Variants in MTHFD2L observed in about 807,000 individuals in gnomAD.
MTHFD2L encodes the protein methylenetetrahydrofolate dehydrogenase (NADP+ dependent) 2 like, also known as bifunctional methylenetetrahydrofolate dehydrogenase/cyclohydrolase 2, mitochondrial.
MTHFD2L carries 29 observed loss-of-function variants against 34.9 expected under a neutral mutation model. The observed-to-expected ratio is 0.83, with a 90% CI of 0.62 to 1.13. MTHFD2L has a LOEUF of 1.13. Ranked by LOEUF, MTHFD2L falls within the 50% of genes most tolerant of loss-of-function variation. MTHFD2L has a pLI of 0.00. For missense variants in MTHFD2L, 481 were observed against 446.5 expected, an observed-to-expected ratio of 1.08 and a Z score of -0.70; for synonymous variants, 167 against 155.7, an observed-to-expected ratio of 1.07 and a Z score of -0.54.
intron 3 of MTHFD2L, among the ~76,000 whole-genome samples, chr4:74,182,344 G>C (rs1350539475): frequency 6.6e-6 from 1 of 152,162 alleles, no homozygotes. Context: ...ACATGTAAGA[G>C]ATTAGTGCAT....
chr4:74,172,083 G>C (rs1728125697), intron 1 of MTHFD2L, among the ~76,000 whole-genome samples: 1 of 152,120 alleles, frequency 6.6e-6, no homozygotes, highest in Non-Finnish European at 1.5e-5. Flanking sequence ...TGTAGTATTT[G>C]ATTCAATTTT....
At chr4:74,232,476 C>A (rs975596934) in intron 6 of MTHFD2L, among the ~76,000 whole-genome samples, 2 of 152,120 alleles carry the variant, frequency 1.3e-5, no homozygotes, top group Non-Finnish European at 2.9e-5. Context: ...TCAGGCTATT[C>A]TGGCCCTCAC....
chr4:74,234,796 A>AGTGT (rs139133412), intron 6 of MTHFD2L, among the ~76,000 whole-genome samples: 6,416 of 149,490 alleles, frequency 0.043, 426 homozygotes, highest in African/African-American at 0.14. Flanking sequence ...AAAAGGAGAC[A>AGTGT]GTGTGTGTGT....
chr4:74,146,998 C>G (rs912295158), intron 1 of MTHFD2L, among the ~76,000 whole-genome samples: 1 of 151,994 alleles, frequency 6.6e-6, no homozygotes, highest in Non-Finnish European at 1.5e-5. Context: ...ATTTCAATCT[C>G]TTTGTTAATT....
intron 1 of MTHFD2L, chr4:74,161,360 G>C (rs1009644622): frequency 2.0e-5 from 3 of 152,116 alleles, no homozygotes; most frequent in Non-Finnish European, 4.4e-5. Flanking sequence ...CTAATGACTA[G>C]GAAAGGCAGT....
At chr4:74,209,049 G>A (rs1272793249) in intron 5 of MTHFD2L, among the ~76,000 whole-genome samples, 1 of 152,062 alleles carries the variant, frequency 6.6e-6, no homozygotes, top group Non-Finnish European at 1.5e-5. Flanking sequence ...GCCTGCAGGT[G>A]AGAAGAGACA....
upstream of MTHFD2L, among the ~76,000 whole-genome samples, chr4:74,119,393 C>A (rs1397130181): frequency 1.3e-5 from 2 of 152,202 alleles, no homozygotes; most frequent in African/African-American, 2.4e-5. Context: ...TGAATAAAAA[C>A]AATCATCACT....
At chr4:74,281,118 G>C (rs549739004) in intron 6 of MTHFD2L, among the ~76,000 whole-genome samples, 1 of 151,894 alleles carries the variant, frequency 6.6e-6, no homozygotes, top group East Asian at 1.9e-4. Context: ...GTCTCCCCAT[G>C]CCATTCATAG....
intron 6 of MTHFD2L, among the ~76,000 whole-genome samples, chr4:74,252,673 T>C (rs2110202763): frequency 6.6e-6 from 1 of 152,210 alleles, no homozygotes; most frequent in South Asian, 2.1e-4. Context: ...AAAATAAATC[T>C]TCTGGAGTAA....
rs528268853 is a variant in MTHFD2L, at chr4:74,172,652, G to A, written c.144-1854G>A. On this transcript the variant is annotated intron_variant, in intron 1 of 7. Coordinates refer to ENST00000325278, the MANE Select transcript of MTHFD2L (RefSeq NM_001144978.3). ...AATTATTAGACATGCAGATTTCCAG[G>A]TTTTTCCCCTGCCCCCAGGAATTCT... 7.9e-5 allele frequency among the ~76,000 whole-genome samples: 12 copies of A among 152,276 alleles called. No individual in the cohort carries two copies. The South Asian group carries it at 2.5e-3, about 32-fold the overall frequency.
At chr4:74,146,647 TG>T (rs2109846940) in intron 1 of MTHFD2L, among the ~76,000 whole-genome samples, 1 of 152,324 alleles carries the variant, frequency 6.6e-6, no homozygotes, top group African/African-American at 2.4e-5. Flanking sequence ...CAAATTCGTT[TG>T]GTGTTCTCTG....
At chr4:74,265,012 T>C (rs1560542715) in intron 6 of MTHFD2L, among the ~76,000 whole-genome samples, 1 of 152,176 alleles carries the variant, frequency 6.6e-6, no homozygotes, top group Non-Finnish European at 1.5e-5. Flanking sequence ...GATGAGTATA[T>C]ATCAATTTAT....
chr4:74,286,307 ATAAT>A (rs1196925516), intron 7 of MTHFD2L, among the ~76,000 whole-genome samples: 3 of 152,204 alleles, frequency 2.0e-5, no homozygotes, highest in South Asian at 2.1e-4. Context: ...CATGCAGCAA[ATAAT>A]TATTCATTTA....
At chr4:74,146,371 T>A (rs1230117316) in intron 1 of MTHFD2L, among the ~76,000 whole-genome samples, 3 of 152,200 alleles carry the variant, frequency 2.0e-5, no homozygotes, top group Non-Finnish European at 4.4e-5. Flanking sequence ...AAGTTGTACA[T>A]AAAATAAAAT....
At chr4:74,182,233 G>A (rs1370702505) in intron 3 of MTHFD2L, among the ~76,000 whole-genome samples, 1 of 152,272 alleles carries the variant, frequency 6.6e-6, no homozygotes, top group South Asian at 2.1e-4. Context: ...CCTTGTATCT[G>A]TTAGACAATT....
intron 1 of MTHFD2L, chr4:74,140,561 A>G: frequency 2.0e-6 from 2 of 979,686 alleles, no homozygotes; most frequent in African/African-American, 1.7e-5. Flanking sequence ...CATTTAGGCT[A>G]TACTACAAAA....
intron 6 of MTHFD2L, among the ~76,000 whole-genome samples, chr4:74,255,878 T>C (rs981571621): frequency 3.3e-5 from 5 of 152,198 alleles, no homozygotes; most frequent in African/African-American, 1.2e-4. Context: ...ATATGTAGTA[T>C]GTTTTCTTTA....
At chr4:74,300,263 T>C (rs974603063) in intron 7 of MTHFD2L, among the ~76,000 whole-genome samples, 5 of 152,048 alleles carry the variant, frequency 3.3e-5, no homozygotes, top group Non-Finnish European at 7.4e-5. Context: ...ATATATTTTG[T>C]GATGTATTTA....
At chr4:74,270,957 C>T (rs1447831396) in intron 6 of MTHFD2L, among the ~76,000 whole-genome samples, 1 of 152,138 alleles carries the variant, frequency 6.6e-6, no homozygotes, top group Non-Finnish European at 1.5e-5. Context: ...CTGTTGGCTG[C>T]ATAAATGTCT....
Sources: gnomAD v4.1 joint callset for allele counts (sites outside exome capture counted in the v4.1 genomes callset) on GRCh38, gnomAD v4.1.1 for gene constraint, MANE v1.5 for transcripts, NCBI Gene and HGNC (gene_info 2026-07-23, HGNC 2026-07-21) for gene names.